PTPRG: variants seen among roughly 807,000 people sequenced by gnomAD.
PTPRG encodes the protein receptor-type tyrosine-protein phosphatase gamma.
Under a neutral mutation model 165.3 loss-of-function variants are expected in PTPRG, and 102 were observed. The observed-to-expected ratio is 0.62, with a 90% CI of 0.53 to 0.73. The LOEUF (loss-of-function observed/expected upper bound fraction) is 0.73. Among genes scored for constraint, PTPRG ranks in the 30% least tolerant of loss-of-function variants. The pLI, the probability that PTPRG is intolerant of heterozygous loss-of-function variation, is 0.00. For missense variants in PTPRG, 1,866 were observed against 1,861.4 expected, an observed-to-expected ratio of 1.00 and a Z score of -0.05; for synonymous variants, 675 against 669.5, an observed-to-expected ratio of 1.01 and a Z score of -0.13.
At position 62,210,275 on chromosome 3, in the gene PTPRG, G is replaced by A. The variant is rs1576138599; in HGVS notation, c.2155+6325G>A. Reference sequence around the variant, plus strand: ...CAAGAGAACATATTTATTTGTAACTGATGAACAATCATTTCTCTGCAGCAG... The same window carrying A: ...CAAGAGAACATATTTATTTGTAACTAATGAACAATCATTTCTCTGCAGCAG... On this transcript the variant is annotated intron_variant, in intron 12 of 29. Coordinates refer to ENST00000474889, the MANE Select transcript of PTPRG (RefSeq NM_002841.4). This position sits in a 1 kb window ranked among gnomAD's most constrained non-coding sequence, Gnocchi z 4.1. Among the ~76,000 whole-genome samples, 1 of 152,178 alleles carries A rather than the reference G, an allele frequency of 6.6e-6. No individual in the cohort carries two copies. Among genetic ancestry groups the A allele is most frequent in the East Asian group, 1.9e-4 (1 of 5,198 alleles).
intron 1 of PTPRG, among the ~76,000 whole-genome samples, chr3:61,709,896 A>G (rs2031463035): frequency 2.0e-5 from 3 of 152,122 alleles, no homozygotes; most frequent in African/African-American, 2.4e-5. Context: ...GATGCAACAT[A>G]GATTGCTGGG....
At position 61,664,294 on chromosome 3, in the gene PTPRG, C is replaced by G. The variant is rs116711056; in HGVS notation, c.86-84584C>G. ...CATTACAGTTGTGAGTCATAGTTAC[C>G]CAGCAGGAAGCCACATTCCTGGGAC... On this transcript the variant is annotated intron_variant, in intron 1 of 29. Coordinates refer to ENST00000474889, the MANE Select transcript of PTPRG (RefSeq NM_002841.4). Among the ~76,000 whole-genome samples, 19 of 152,220 alleles carry G rather than the reference C, an allele frequency of 1.2e-4. No individual in the cohort carries two copies. In the East Asian group the frequency reaches 3.5e-3, roughly 28 times the overall value.
At chr3:61,955,894 G>A (rs968805655) in intron 2 of PTPRG, among the ~76,000 whole-genome samples, 2 of 152,192 alleles carry the variant, frequency 1.3e-5, no homozygotes, top group Admixed American at 6.5e-5. Context: ...ACTGTGGAGT[G>A]TCAACAGAAA....
chr3:61,787,423 A>C (rs2034739604), intron 2 of PTPRG, among the ~76,000 whole-genome samples: 1 of 152,220 alleles, frequency 6.6e-6, no homozygotes, highest in African/African-American at 2.4e-5. Context: ...CCTCTGTTTG[A>C]AAAACTTTGC....
At chr3:61,979,814 C>T (rs887244372) in intron 2 of PTPRG, among the ~76,000 whole-genome samples, 35 of 152,214 alleles carry the variant, frequency 2.3e-4, no homozygotes, top group Admixed American at 2.2e-3. Flanking sequence ...ATGGTTGTCA[C>T]AGGAAGTGAG....
chr3:61,740,735 C>CT (rs1397425941), intron 1 of PTPRG, among the ~76,000 whole-genome samples: 1 of 151,900 alleles, frequency 6.6e-6, no homozygotes, highest in African/African-American at 2.4e-5. Flanking sequence ...AGTTTCAGTA[C>CT]TTTATTTTAC....
intron 5 of PTPRG, among the ~76,000 whole-genome samples, chr3:62,106,266 T>C (rs1702469132): frequency 6.6e-6 from 1 of 152,144 alleles, no homozygotes; most frequent in African/African-American, 2.4e-5. Context: ...GAGTGAACTT[T>C]CTTTGTTACT....
chr3:61,981,491 A>C (rs1012895242), intron 2 of PTPRG, among the ~76,000 whole-genome samples: 1 of 152,260 alleles, frequency 6.6e-6, no homozygotes, highest in East Asian at 1.9e-4. Flanking sequence ...TGCCATTTAG[A>C]TATTAGTATT....
chr3:61,770,967 T>C (rs1483713000), intron 2 of PTPRG: 1 of 152,178 alleles, frequency 6.6e-6, no homozygotes, highest in African/African-American at 2.4e-5. Flanking sequence ...TACCTTTCAC[T>C]AGAGATAGAG....
intron 17 of PTPRG, among the ~76,000 whole-genome samples, chr3:62,266,940 A>G (rs940860864): frequency 1.3e-5 from 2 of 151,446 alleles, no homozygotes; most frequent in African/African-American, 4.9e-5. Flanking sequence ...TCTTAACAAA[A>G]GCTCTGGTTT....
intron 2 of PTPRG, among the ~76,000 whole-genome samples, chr3:61,934,195 A>G (rs2039431475): frequency 1.3e-5 from 2 of 152,240 alleles, no homozygotes; most frequent in Admixed American, 1.3e-4. Context: ...TTATATATGC[A>G]TATATAGAGA....
chr3:61,747,916 C>T (rs1345098445), intron 1 of PTPRG, among the ~76,000 whole-genome samples: 1 of 152,016 alleles, frequency 6.6e-6, no homozygotes, highest in Non-Finnish European at 1.5e-5. Context: ...GCACCTGTGA[C>T]ATTTGTCTTC....
intron 5 of PTPRG, among the ~76,000 whole-genome samples, chr3:62,116,244 A>G (rs1162796766): frequency 6.6e-6 from 1 of 152,128 alleles, no homozygotes; most frequent in Non-Finnish European, 1.5e-5. Flanking sequence ...AAATCCATCT[A>G]GTATCAGGTA....
intron 2 of PTPRG, among the ~76,000 whole-genome samples, chr3:61,784,281 G>A (rs2034630236): frequency 6.6e-6 from 1 of 152,154 alleles, no homozygotes; most frequent in Admixed American, 6.5e-5. Context: ...TGGGGTTGGG[G>A]GACGGGGTTA....
At chr3:61,951,213 A>G (rs1191665891) in intron 2 of PTPRG, among the ~76,000 whole-genome samples, 1 of 152,166 alleles carries the variant, frequency 6.6e-6, no homozygotes, top group Non-Finnish European at 1.5e-5. Flanking sequence ...TCTTTTTCCT[A>G]GTTACTAGAA....
intron 5 of PTPRG, among the ~76,000 whole-genome samples, chr3:62,112,212 C>A (rs921854321): frequency 6.6e-6 from 1 of 152,080 alleles, no homozygotes; most frequent in Admixed American, 6.5e-5. Flanking sequence ...TCAAGTGATT[C>A]TCCTGCCTCA....
chr3:61,672,008 C>T lies in PTPRG; in HGVS notation c.86-76870C>T, dbSNP rs796537898. Among the ~76,000 whole-genome samples the T allele has an allele frequency of 4.3e-4, 49 of 113,176 alleles. 1 individual carries two copies. The highest frequency in any genetic ancestry group is 5.6e-3 in the Middle Eastern group (1 of 178). 74.2% of individuals were successfully genotyped at this position (113,176 alleles called of 152,430 possible). On this transcript the variant is annotated intron_variant, in intron 1 of 29. Coordinates refer to ENST00000474889, the MANE Select transcript of PTPRG (RefSeq NM_002841.4). ...GGGGCTCCTCACTTCTCAGACGGGG[C>T]GGTTGCCAGGCAGAGGGTCTCCTCA...
In PTPRG at chr3:62,037,091, G is replaced by T. The variant is rs555264406; in HGVS notation, c.519+33594G>T. Among the ~76,000 whole-genome samples the T allele has an allele frequency of 1.6e-4, 24 of 152,116 alleles. No homozygotes were observed. In the South Asian group the frequency reaches 4.8e-3, roughly 30 times the overall value. On this transcript the variant is annotated intron_variant, in intron 4 of 29. Coordinates refer to ENST00000474889, the MANE Select transcript of PTPRG (RefSeq NM_002841.4). ...GCTTGCATTATCTAATCTCCCAATGGCTTTATCAGAGAAGTACTCATTTTA... is the reference window on the plus strand; with the variant it reads ...GCTTGCATTATCTAATCTCCCAATGTCTTTATCAGAGAAGTACTCATTTTA...
chr3:62,019,939 A>G (rs1378287590), intron 4 of PTPRG, among the ~76,000 whole-genome samples: 1 of 152,190 alleles, frequency 6.6e-6, no homozygotes, highest in Non-Finnish European at 1.5e-5. Context: ...TCTATTTTTC[A>G]GATAAAACTG....
Sources: allele counts gnomAD v4.1 joint callset (sites outside exome capture counted in the v4.1 genomes callset), GRCh38; gene constraint gnomAD v4.1.1; non-coding constraint Gnocchi (gnomAD v3.1); transcripts MANE v1.5; gene names NCBI Gene and HGNC (gene_info 2026-07-23, HGNC 2026-07-21).